Variants in FHIT observed in about 807,000 individuals in gnomAD.
The protein encoded by FHIT is fragile histidine triad diadenosine triphosphatase.
A neutral mutation model predicts 17.9 loss-of-function variants in FHIT; 19 were observed. That is an observed-to-expected ratio of 1.06 (90% CI 0.74 to 1.56). FHIT has a LOEUF of 1.56. Ranked by LOEUF, FHIT falls within the 40% of genes most tolerant of loss-of-function variation. The pLI is 0.00. For synonymous variants in FHIT, 81 were observed against 69.7 expected, an observed-to-expected ratio of 1.16 and a Z score of -0.81; for missense variants, 248 against 189.2, an observed-to-expected ratio of 1.31 and a Z score of -1.82.
intron 4 of FHIT, among the ~76,000 whole-genome samples, chr3:60,563,098 T>C (rs1478051997): frequency 1.3e-5 from 2 of 152,168 alleles, no homozygotes; most frequent in African/African-American, 2.4e-5. Flanking sequence ...GCAGTGACTC[T>C]GGGTGCTGCA....
chr3:60,124,572 C>A (rs935884473), intron 5 of FHIT, among the ~76,000 whole-genome samples: 1 of 152,114 alleles, frequency 6.6e-6, no homozygotes, highest in African/African-American at 2.4e-5. Context: ...TTGTTCTATA[C>A]ACTATATCAA....
intron 3 of FHIT, among the ~76,000 whole-genome samples, chr3:60,845,855 T>C (rs1453029649): frequency 6.6e-6 from 1 of 152,096 alleles, no homozygotes; most frequent in Non-Finnish European, 1.5e-5. Flanking sequence ...TATGAAAACA[T>C]TGGAGTGAAA....
chr3:60,377,148 A>T (rs1193886260), intron 5 of FHIT, among the ~76,000 whole-genome samples: 2 of 151,948 alleles, frequency 1.3e-5, no homozygotes, highest in Non-Finnish European at 2.9e-5. Flanking sequence ...TCATCCTTGG[A>T]GGAGCCATTT....
At chr3:61,109,709 C>T (rs981573881) in intron 2 of FHIT, among the ~76,000 whole-genome samples, 2 of 152,140 alleles carry the variant, frequency 1.3e-5, no homozygotes, top group African/African-American at 4.8e-5. Flanking sequence ...TGTCATAAGG[C>T]ATTTCTACAC....
chr3:59,877,251 T>C (rs1288251227), intron 8 of FHIT, among the ~76,000 whole-genome samples: 1 of 152,254 alleles, frequency 6.6e-6, no homozygotes, highest in Non-Finnish European at 1.5e-5. Context: ...TTCTATAATG[T>C]GCTGCCAAAA....
intron 7 of FHIT, among the ~76,000 whole-genome samples, chr3:59,936,908 C>T (rs535248678): frequency 3.0e-4 from 46 of 152,138 alleles, no homozygotes; most frequent in Admixed American, 3.3e-4. Flanking sequence ...CAAGCTTGTG[C>T]TAATTCTCTT....
intron 1 of FHIT, among the ~76,000 whole-genome samples, chr3:61,221,660 T>C (rs1420858420): frequency 6.6e-6 from 1 of 152,188 alleles, no homozygotes; most frequent in Non-Finnish European, 1.5e-5. Flanking sequence ...GACTGGAACA[T>C]GCAAGTCAGT....
In FHIT at chr3:60,017,352, G is replaced by C. The variant is rs1004421733; in HGVS notation, c.104-3200C>G. Among the ~76,000 whole-genome samples the C allele has an allele frequency of 3.5e-4, 51 of 147,536 alleles. 2 individuals are homozygous for C. The highest frequency in any genetic ancestry group is 1.5e-5 in the Non-Finnish European group (1 of 67,918). On this transcript the variant is annotated intron_variant, in intron 5 of 9. Transcript: ENST00000492590. ...TAACAGAGAATCGTAAGATCAAAAA[G>C]GGGGGAGAGTACCAGCTTGCCTGAA...
rs797026069 is a variant in FHIT at position 60,912,056 on chromosome 3, C to CACACACACACACAT, written c.-110-90046_-110-90045insATGTGTGTGTGTGT. Among the ~76,000 whole-genome samples the CACACACACACACAT allele has an allele frequency of 6.6e-4, 44 of 66,844 alleles. 1 individual carries two copies. The East Asian group carries it at 9.9e-3, about 15-fold the overall frequency. The allele number at this position is 66,844 out of a possible 152,430, so 43.9% of individuals were successfully genotyped here. A position where few individuals can be genotyped will look rare whatever the true frequency, so the allele number is the denominator to read the frequency against. On this transcript the variant is annotated intron_variant, in intron 3 of 9. Coordinates refer to ENST00000492590, the MANE Select transcript of FHIT (RefSeq NM_002012.4). ...TCTGCCTTACACACACACACACATA[C>CACACACACACACAT]ACACACACACACACACGTACACACA...
At chr3:60,071,640 C>CTT (rs955835662) in intron 5 of FHIT, among the ~76,000 whole-genome samples, 5 of 152,150 alleles carry the variant, frequency 3.3e-5, no homozygotes, top group African/African-American at 1.2e-4. Flanking sequence ...GCAAAGTTAG[C>CTT]CAAAATGCTC....
chr3:60,110,502 G>T (rs926967514), intron 5 of FHIT, among the ~76,000 whole-genome samples: 1 of 152,148 alleles, frequency 6.6e-6, no homozygotes, highest in African/African-American at 2.4e-5. Context: ...CCAGTTTATG[G>T]CTTAGTGATG....
At chr3:60,842,645 A>ATATTTTT (rs1396703397) in intron 3 of FHIT, among the ~76,000 whole-genome samples, 5 of 94,588 alleles carry the variant, frequency 5.3e-5, no homozygotes, top group African/African-American at 2.1e-4. Context: ...ATATATATAT[A>ATATTTTT]TTTTTTTTTT....
At chr3:60,335,288 G>A (rs778193200) in intron 5 of FHIT, among the ~76,000 whole-genome samples, 3 of 152,064 alleles carry the variant, frequency 2.0e-5, no homozygotes, top group Non-Finnish European at 4.4e-5. Flanking sequence ...AAAAAAACTT[G>A]AATTGCACCA....
intron 8 of FHIT, among the ~76,000 whole-genome samples, chr3:59,877,687 G>C (rs1703225578): frequency 6.6e-6 from 1 of 152,198 alleles, no homozygotes; most frequent in Non-Finnish European, 1.5e-5. Flanking sequence ...GAGGGATTCA[G>C]ATAATACTGG....
intron 4 of FHIT, among the ~76,000 whole-genome samples, chr3:60,711,344 T>C (rs1255051860): frequency 3.3e-5 from 5 of 151,976 alleles, no homozygotes; most frequent in Admixed American, 1.3e-4. Flanking sequence ...GCAAAAAAAC[T>C]GGAAACTCTA....
chr3:59,991,837 G>C (rs1167764526), intron 7 of FHIT, among the ~76,000 whole-genome samples: 2 of 152,034 alleles, frequency 1.3e-5, no homozygotes, highest in African/African-American at 4.8e-5. Flanking sequence ...CCTTTGCAGA[G>C]AAAGAGAAAC....
rs575683395 is a variant in FHIT, at chr3:60,542,017, A to G, written c.-17-5038T>C. Reference sequence around the variant, plus strand: ...TCCCACCACAGAAATTCACTTTTTCATAATTAATGTATTATTCAGAATCCT... The same window carrying G: ...TCCCACCACAGAAATTCACTTTTTCGTAATTAATGTATTATTCAGAATCCT... On this transcript the variant is annotated intron_variant, in intron 4 of 9. Coordinates refer to ENST00000492590, the MANE Select transcript of FHIT (RefSeq NM_002012.4). Among the ~76,000 whole-genome samples, 7 of 152,252 alleles carry G rather than the reference A, an allele frequency of 4.6e-5. No homozygotes were observed. The South Asian group carries it at 1.5e-3, about 32-fold the overall frequency.
intron 4 of FHIT, among the ~76,000 whole-genome samples, chr3:60,715,042 A>T (rs2041645275): frequency 6.6e-6 from 1 of 152,186 alleles, no homozygotes; most frequent in African/African-American, 2.4e-5. Context: ...CTATACTACA[A>T]GGCTACAGTA....
chr3:59,953,763 C>T (rs901454747), intron 7 of FHIT, among the ~76,000 whole-genome samples: 1 of 152,186 alleles, frequency 6.6e-6, no homozygotes, highest in African/African-American at 2.4e-5. Flanking sequence ...TCAAAAACCT[C>T]TGAATCATTC....
Sources: gnomAD v4.1 joint callset for allele counts (sites outside exome capture counted in the v4.1 genomes callset) on GRCh38, gnomAD v4.1.1 for gene constraint, MANE v1.5 for transcripts, NCBI Gene and HGNC (gene_info 2026-07-23, HGNC 2026-07-21) for gene names.